PRR12: variants seen among roughly 807,000 people sequenced by gnomAD.
PRR12 encodes proline rich 12, also known as proline-rich protein 12.
Under a neutral mutation model 138.0 loss-of-function variants are expected in PRR12, and 12 were observed. The observed-to-expected ratio is 0.09, with a 90% CI of 0.06 to 0.14. PRR12 has a LOEUF of 0.14. PRR12 is among the 10% of genes least tolerant of loss of function. PRR12 has a pLI of 1.00. For synonymous variants in PRR12, 1,567 were observed against 1,291.7 expected, an observed-to-expected ratio of 1.21 and a Z score of -4.57; for missense variants, 2,692 against 2,861.3, an observed-to-expected ratio of 0.94 and a Z score of 1.35.
At chr19:49,602,277 C>T (rs533993407) in intron 6 of PRR12, among the ~76,000 whole-genome samples, 24 of 152,146 alleles carry the variant, frequency 1.6e-4, no homozygotes, top group Non-Finnish European at 2.6e-4. Flanking sequence ...GGCTCTGGCC[C>T]TAGGGAGCTT....
At chr19:49,601,416 A>T in intron 5 of PRR12, 75 bp from the exon 6 acceptor site, 1 of 799,864 alleles carries the variant, frequency 1.3e-6, no homozygotes, top group Non-Finnish European at 2.0e-6. Flanking sequence ...TATAGAAAGC[A>T]GTGTTTAAAG....
chr19:49,620,610 G>A, intron 10 of PRR12, 133 bp downstream of exon 10: 2 of 1,320,844 alleles, frequency 1.5e-6, no homozygotes, highest in South Asian at 2.8e-5. Flanking sequence ...GAGGAGCTGA[G>A]GCCTGGACCT....
chr19:49,594,813 C>T lies in PRR12; in HGVS notation c.478C>T (p.Arg160Cys), dbSNP rs2080753591. The T allele has an allele frequency of 1.9e-6, 3 of 1,612,490 alleles. No homozygotes were observed. The highest frequency in any genetic ancestry group is 1.3e-5 in the African/African-American group (1 of 75,008). ...AYQHPASFGSRPFPVPSSLSL... is the reference protein window; with the variant it reads ...AYQHPASFGSCPFPVPSSLSL... ...CCAACACCCGGCTTCCTTCGGCAGC[C>T]GCCCCTTCCCAGTGCCCTCGTCCCT... is the stretch of plus-strand genomic sequence containing the variant. Residue 160 changes from arginine (R) to cysteine (C), a missense_variant, in exon 4 of 14, where the codon CGC becomes TGC. Physicochemically the swap from Arg to Cys is radical, Grantham distance 180. Around this residue, in one of 11 missense-constraint regions of PRR12, gnomAD observed 211 missense variants for 266.3 expected, o/e 0.79. Transcript: ENST00000418929. The surrounding 1 kb of genome is among the most constrained non-coding windows in gnomAD (Gnocchi z 5.6).
chr19:49,617,369 G>A (rs112696297), intron 9 of PRR12, among the ~76,000 whole-genome samples: 3,803 of 151,702 alleles, frequency 0.025, 146 homozygotes, highest in African/African-American at 0.084. Context: ...GGCTCGCACC[G>A]GTAATCCCTT....
At chr19:49,618,025 G>A (rs1476276244) in intron 9 of PRR12, among the ~76,000 whole-genome samples, 1 of 152,150 alleles carries the variant, frequency 6.6e-6, no homozygotes, top group Non-Finnish European at 1.5e-5. Flanking sequence ...TTGAACCTGG[G>A]AGGCAGAGGT....
chr19:49,594,587 C>T lies in PRR12; in HGVS notation c.333C>T (p.Ser111=), dbSNP rs2080751584. 1 of 1,612,770 alleles carries T rather than the reference C, an allele frequency of 6.2e-7. No homozygotes were observed. Among genetic ancestry groups the T allele is most frequent in the African/African-American group, 1.3e-5 (1 of 74,888 alleles). Residue 111 remains serine, a synonymous_variant, in exon 3 of 14, where the codon TCC becomes TCT. Coordinates refer to ENST00000418929, the MANE Select transcript of PRR12 (RefSeq NM_020719.3). The surrounding 1 kb of genome is among the most constrained non-coding windows in gnomAD (Gnocchi z 5.6). ...QPGPSASSLL[S]QFRSPSWQTA... The stretch of plus-strand genomic sequence containing the variant: ...GCCCCTCCGCCTCCTCTCTCCTCTC[C>T]CAGTTCCGCAGTCCTTCCTGGCAAA...
At chr19:49,606,524 G>C (rs919967735) in intron 6 of PRR12, among the ~76,000 whole-genome samples, 1 of 148,518 alleles carries the variant, frequency 6.7e-6, no homozygotes, top group African/African-American at 2.5e-5. Flanking sequence ...GGCTGGTCTC[G>C]AACTCCTGAC....
At position 49,595,399 on chromosome 19, in the gene PRR12, C is replaced by T. The variant is rs547583782; in HGVS notation, c.1064C>T (p.Thr355Met). The T allele has an allele frequency of 1.2e-5, 19 of 1,542,512 alleles. No homozygotes were observed. The Admixed American group carries it at 1.4e-4, about 11-fold the overall frequency. ...AGCAAGGCTGGTCCCAGCGGAGCCA[C>T]GGCTGGGGCATCTGGCCGGGCCACG... ...EPSKAGPSGA[T>M]AGASGRATGP... Residue 355 changes from threonine to methionine, a missense_variant, in exon 4 of 14, where the codon ACG becomes ATG. Transcript: ENST00000418929.
chr19:49,617,863 C>T lies in PRR12; in HGVS notation c.5497+1644C>T, dbSNP rs368577701. On this transcript the variant is annotated intron_variant, in intron 9 of 13. Coordinates refer to ENST00000418929, the MANE Select transcript of PRR12 (RefSeq NM_020719.3). ...GCTGATGCCCAGCACTTTGAGAGGC[C>T]GAAGCGGGCAAATCACCTTAGGTCA... 1.6e-4 allele frequency among the ~76,000 whole-genome samples: 25 copies of T among 152,040 alleles called. 1 individual carries two copies. Among genetic ancestry groups the T allele is most frequent in the African/African-American group, 4.3e-4 (18 of 41,448 alleles).
At position 49,601,647 on chromosome 19, in the gene PRR12, TGCC is replaced by T; in HGVS notation, c.4509_4511del (p.Pro1507del). 3 of 1,535,778 alleles carry T rather than the reference TGCC, an allele frequency of 2.0e-6. No homozygotes were observed. Among genetic ancestry groups the T allele is most frequent in the Non-Finnish European group, 2.6e-6 (3 of 1,144,770 alleles). On this transcript the variant is annotated inframe_deletion, in exon 6 of 14. Coordinates refer to ENST00000418929, the MANE Select transcript of PRR12 (RefSeq NM_020719.3). ...CCCAGCTCACCACCGCCACCGCCGC[TGCC>T]GCCGCCACCTCCACCAGCCATGCCC...
chr19:49,593,551 C>A (rs1288840236), intron 2 of PRR12, 112 bp downstream of exon 2: 2 of 603,822 alleles, frequency 3.3e-6, no homozygotes, highest in African/African-American at 3.8e-5. Flanking sequence ...CGTGCCGTGG[C>A]CCGCCCCTTG....
Position 49,591,678 on chromosome 19 carries a change from C to T in PRR12, c.24C>T (p.Ala8=). ...TCATGGACAGGAACTACCCCAGCGC[C>T]GGCTTCGGGGACCCGCTCGGCGCCG... MDRNYPS[A]GFGDPLGAGA... The change falls in exon 1 of 14, where the codon GCC becomes GCT. Residue 8 remains alanine, a synonymous_variant. Coordinates refer to ENST00000418929, the MANE Select transcript of PRR12 (RefSeq NM_020719.3). 2.7e-6 allele frequency: 4 copies of T among 1,497,638 alleles called. No homozygotes were observed. The highest frequency in any genetic ancestry group is 3.6e-6 in the Non-Finnish European group (4 of 1,123,420). 92.8% of individuals were successfully genotyped at this position (1,497,638 alleles called of 1,614,324 possible). A position where few individuals can be genotyped will look rare whatever the true frequency, so the allele number is the denominator to read the frequency against.
rs781055025 is a variant in PRR12 at position 49,614,022 on chromosome 19, C to T, written c.4774-511C>T. Among the ~76,000 whole-genome samples the T allele has an allele frequency of 6.6e-6, 1 of 152,044 alleles. No individual in the cohort carries two copies. Among genetic ancestry groups the T allele is most frequent in the South Asian group, 2.1e-4 (1 of 4,816 alleles). On this transcript the variant is annotated intron_variant, in intron 6 of 13. Transcript: ENST00000418929. This position sits in a 1 kb window ranked among gnomAD's most constrained non-coding sequence, Gnocchi z 5.0. ...TCTCAGGAGGCTGAGGCAGAAGAAT[C>T]GGCTTGAACCCGGGAGGCGGAGGTC...
chr19:49,593,481 C>T, intron 2 of PRR12, 42 bp downstream of exon 2: 2 of 918,246 alleles, frequency 2.2e-6, no homozygotes, highest in Non-Finnish European at 1.7e-6. Flanking sequence ...GGCCCTCCCC[C>T]TCCCCCCGAG....
At chr19:49,612,488 G>C (rs142645275) in intron 6 of PRR12, among the ~76,000 whole-genome samples, 82 of 152,166 alleles carry the variant, frequency 5.4e-4, no homozygotes, top group African/African-American at 1.9e-3. Context: ...GGGATGCTGG[G>C]AGGAAAAGTG....
intron 9 of PRR12, among the ~76,000 whole-genome samples, chr19:49,619,563 C>T (rs141779984): frequency 0.061 from 4,593 of 75,344 alleles, 138 homozygotes; most frequent in South Asian, 0.15. Context: ...TTTTTTGAGA[C>T]GGAGTTTCGC....
At chr19:49,618,140 AG>A (rs2080902523) in intron 9 of PRR12, among the ~76,000 whole-genome samples, 1 of 152,092 alleles carries the variant, frequency 6.6e-6, no homozygotes, top group Admixed American at 6.6e-5. Context: ...GCTCTTTTTC[AG>A]GGTTGTCCAG....
At chr19:49,606,954 C>T (rs2080841672) in intron 6 of PRR12, among the ~76,000 whole-genome samples, 1 of 151,798 alleles carries the variant, frequency 6.6e-6, no homozygotes, top group Admixed American at 6.6e-5. Context: ...TCACCTGAGC[C>T]ATATATGTGA....
intron 1 of PRR12, among the ~76,000 whole-genome samples, chr19:49,592,961 G>T (rs1289779400): frequency 6.6e-6 from 1 of 151,936 alleles, no homozygotes; most frequent in Non-Finnish European, 1.5e-5. Context: ...CTGTGTCGCC[G>T]GAACGGGGGC....
Sources: allele counts gnomAD v4.1 joint callset (sites outside exome capture counted in the v4.1 genomes callset), GRCh38; gene constraint gnomAD v4.1.1; regional missense constraint gnomAD v4.1.1; non-coding constraint Gnocchi (gnomAD v3.1); transcripts MANE v1.5; gene names NCBI Gene and HGNC (gene_info 2026-07-23, HGNC 2026-07-21).